SLC9A3: variants seen among roughly 807,000 people sequenced by gnomAD.
SLC9A3 encodes the protein sodium/hydrogen exchanger 3.
Under a neutral mutation model 86.8 loss-of-function variants are expected in SLC9A3, and 37 were observed. The observed-to-expected ratio is 0.43, with a 90% CI of 0.33 to 0.56. SLC9A3 has a LOEUF of 0.56. Among genes scored for constraint, SLC9A3 ranks in the 20% least tolerant of loss-of-function variants. The probability of loss-of-function intolerance (pLI) is 0.06; values close to 1 mark genes in which losing one functional copy is unlikely to be tolerated. For missense variants in SLC9A3, 1,011 were observed against 1,171.9 expected (o/e 0.86, Z 2.00); for synonymous variants, 581 against 528.3 (o/e 1.10, Z -1.37).
At position 482,693 on chromosome 5, in the gene SLC9A3, A is replaced by G. The variant is rs751780244; in HGVS notation, c.1211T>C (p.Ile404Thr). The G allele has an allele frequency of 1.5e-5, 24 of 1,612,212 alleles. No homozygotes were observed. The highest frequency in any genetic ancestry group is 2.7e-5 in the African/African-American group (2 of 74,854). ...CCCGTAGGACAGGACCACCTGGTCA[A>G]TGGGCTCCAGCTGCACCATGCGGTA... ...NRYRMVQLEP[I>T]DQVVLSYGGL... Residue 404 changes from isoleucine to threonine, a missense_variant, in exon 7 of 17, where the codon ATT becomes ACT. Transcript: ENST00000264938.
chr5:488,677 CA>C, intron 2 of SLC9A3, among the ~76,000 whole-genome samples: 1 of 152,252 alleles, frequency 6.6e-6, no homozygotes, highest in Admixed American at 6.5e-5. Context: ...CCGAGGGGGC[CA>C]CCCCATCTGA....
At position 491,874 on chromosome 5, in the gene SLC9A3, A is replaced by C; in HGVS notation, c.409T>G (p.Phe137Val). The part of the protein sequence containing the change: ...AGYFMPNRLF[F>V]GNLGTILLYA... ...AACAGGATGGTCCCCAGGTTGCCGA[A>C]GAAGAGGCGGTTGGGCATGAAGTAG... Residue 137 changes from phenylalanine to valine, a missense_variant, in exon 2 of 17, where the codon TTC becomes GTC. This residue lies in a region of SLC9A3 where 565 missense variants were observed against 790.0 expected (regional missense o/e 0.72). Transcript: ENST00000264938. This position sits in a 1 kb window ranked among gnomAD's most constrained non-coding sequence, Gnocchi z 9.2. 6.2e-7 allele frequency: 1 copy of C among 1,611,184 alleles called. No homozygotes were observed. The highest frequency in any genetic ancestry group is 8.5e-7 in the Non-Finnish European group (1 of 1,179,270).
Position 472,666 on chromosome 5 carries a change from C to T in SLC9A3, c.*713G>A. 2.0e-6 allele frequency: 1 copy of T among 492,562 alleles called. No individual in the cohort carries two copies. Among genetic ancestry groups the T allele is most frequent in the South Asian group, 1.5e-5 (1 of 64,772 alleles). The allele number at this position is 492,562 out of a possible 1,614,324, so 30.5% of individuals were successfully genotyped here. ...AAACGCTGAGCAGACGGAAGACGTT[C>T]CTGCCACTTTACCTGCAGTTCAAAG... On this transcript the variant is annotated 3_prime_UTR_variant, in exon 17 of 17. Transcript: ENST00000264938.
chr5:515,041 C>T (rs1282962743), intron 1 of SLC9A3, among the ~76,000 whole-genome samples: 1 of 152,122 alleles, frequency 6.6e-6, no homozygotes, highest in African/African-American at 2.4e-5. Flanking sequence ...CTCCAGGGAC[C>T]AGGAGCTTGG....
Position 497,814 on chromosome 5 carries a change from GCCCGGCCGCA to G in SLC9A3, c.212-5753_212-5744del. ...CTCTGCCCCTGTCCCGGGTGGGGTC[GCCCGGCCGCA>G]TCCCCAGCCTCTGCCCCTGTCCCGG... On this transcript the variant is annotated intron_variant, in intron 1 of 16. Transcript: ENST00000264938. This position sits in a 1 kb window ranked among gnomAD's most constrained non-coding sequence, Gnocchi z 5.4. 2.8e-5 allele frequency among the ~76,000 whole-genome samples: 1 copy of G among 35,930 alleles called. No individual in the cohort carries two copies. The highest frequency in any genetic ancestry group is 1.0e-4 in the African/African-American group (1 of 9,562). 23.6% of individuals were successfully genotyped at this position (35,930 alleles called of 152,430 possible).
intron 10 of SLC9A3, chr5:479,425 A>G (rs890984): frequency 0.87 from 170,525 of 196,272 alleles, 74,709 homozygotes; most frequent in African/African-American, 0.91. Flanking sequence ...GCCGGCCCAC[A>G]GCGGGAGACG....
intron 1 of SLC9A3, among the ~76,000 whole-genome samples, chr5:493,820 G>A (rs544853222): frequency 1.1e-4 from 16 of 152,286 alleles, no homozygotes; most frequent in African/African-American, 3.1e-4. Flanking sequence ...GCCCCCCGAC[G>A]GCTCCCCCAC....
At chr5:500,182 A>C (rs1468525703) in intron 1 of SLC9A3, among the ~76,000 whole-genome samples, 9 of 152,266 alleles carry the variant, frequency 5.9e-5, no homozygotes, top group Non-Finnish European at 8.8e-5. Context: ...GCCCCATGGC[A>C]CACACTGTGA....
chr5:476,875 AC>A (rs1295037368), intron 11 of SLC9A3, among the ~76,000 whole-genome samples: 19 of 152,272 alleles, frequency 1.2e-4, no homozygotes, highest in African/African-American at 4.6e-4. Context: ...CTGACTCCCC[AC>A]GAGGCCTTCC....
At position 476,262 on chromosome 5, in the gene SLC9A3, C is replaced by T. The variant is rs1478623704; in HGVS notation, c.2007G>A (p.Leu669=). 4 of 1,613,914 alleles carry T rather than the reference C, an allele frequency of 2.5e-6. No homozygotes were observed. In the East Asian group the frequency reaches 8.9e-5, roughly 36 times the overall value. The part of the protein sequence containing the change: ...KRLESFKSTK[L]GLNQNKKAAK... ...CCGCCTTCTTGTTCTGGTTGAGCCC[C>T]AGCTTGGTCGACTTGAAGGACTCCA... is the stretch of plus-strand genomic sequence containing the variant. The change falls in exon 13 of 17, where the codon CTG becomes CTA. Residue 669 remains leucine (L), a synonymous_variant. Coordinates refer to ENST00000264938, the MANE Select transcript of SLC9A3 (RefSeq NM_004174.4).
intron 1 of SLC9A3, among the ~76,000 whole-genome samples, chr5:510,324 G>T (rs1740821357): frequency 6.6e-6 from 1 of 152,210 alleles, no homozygotes; most frequent in Non-Finnish European, 1.5e-5. Flanking sequence ...CTGGTGGAAA[G>T]GCCAGAACCC....
intron 3 of SLC9A3, among the ~76,000 whole-genome samples, 155 bp from the exon 4 acceptor site, chr5:485,386 G>A (rs141867113): frequency 0.015 from 2,256 of 152,360 alleles, 21 homozygotes; most frequent in Non-Finnish European, 0.02. Flanking sequence ...CCCCAAAGGG[G>A]AGAAGCCCAG....
chr5:502,029 C>T (rs906672419), intron 1 of SLC9A3, among the ~76,000 whole-genome samples: 20 of 152,270 alleles, frequency 1.3e-4, no homozygotes, highest in African/African-American at 2.4e-5. Context: ...GACTGGACTC[C>T]CTGCGCTCAA....
rs774509219 is a variant in SLC9A3, at chr5:476,247, G to C, written c.2022C>G (p.Asn674Lys). 3.7e-6 allele frequency: 6 copies of C among 1,613,966 alleles called. No individual in the cohort carries two copies. Among genetic ancestry groups the C allele is most frequent in the Middle Eastern group, 1.6e-4 (1 of 6,062 alleles). The change falls in exon 13 of 17, where the codon AAC (asparagine) becomes AAG (lysine). Residue 674 changes from asparagine to lysine, a missense_variant. Coordinates refer to ENST00000264938, the MANE Select transcript of SLC9A3 (RefSeq NM_004174.4). ...FKSTKLGLNQNKKAAKLYKRE... is the reference protein window; with the variant it reads ...FKSTKLGLNQKKKAAKLYKRE... ...GCTTGTACAGCTTGGCCGCCTTCTT[G>C]TTCTGGTTGAGCCCCAGCTTGGTCG...
At position 484,704 on chromosome 5, in the gene SLC9A3, A is replaced by G; in HGVS notation, c.755-7T>C. The G allele has an allele frequency of 6.2e-7, 1 of 1,612,320 alleles. No homozygotes were observed. Among genetic ancestry groups the G allele is most frequent in the Non-Finnish European group, 8.5e-7 (1 of 1,179,506 alleles). ...CTCACCACGAAGAAGGACACTGGGT[A>G]GAGGACGCCCTTTGTGGCCGTGCCG... On this transcript the variant is annotated splice_region_variant and splice_polypyrimidine_tract_variant and intron_variant, in intron 4 of 16. Transcript: ENST00000264938.
intron 10 of SLC9A3, 46 bp downstream of exon 10, chr5:479,790 A>AGCCTGCTGCAGCCCC (rs1560951998): frequency 1.2e-6 from 2 of 1,605,824 alleles, no homozygotes; most frequent in Non-Finnish European, 1.7e-6. Context: ...AGCCAGTGCC[A>AGCCTGCTGCAGCCCC]GAGCCTGCTG....
intron 1 of SLC9A3, among the ~76,000 whole-genome samples, chr5:513,825 C>G (rs1352235670): frequency 6.6e-6 from 1 of 152,242 alleles, no homozygotes; most frequent in Non-Finnish European, 1.5e-5. Context: ...CACGGCCAGC[C>G]CTTGTGTTGC....
chr5:479,117 A>C (rs1738978778), intron 10 of SLC9A3: 1 of 152,516 alleles, frequency 6.6e-6, no homozygotes, highest in African/African-American at 2.4e-5. Context: ...TGAGGGCACC[A>C]AAGCTCGCTA....
chr5:510,829 C>A (rs542052476), intron 1 of SLC9A3, among the ~76,000 whole-genome samples: 1 of 152,312 alleles, frequency 6.6e-6, no homozygotes, highest in Admixed American at 6.5e-5. Flanking sequence ...CGGGAAGATG[C>A]ACCAGCAGCA....
Sources: allele counts gnomAD v4.1 joint callset (sites outside exome capture counted in the v4.1 genomes callset), GRCh38; gene constraint gnomAD v4.1.1; regional missense constraint gnomAD v4.1.1; non-coding constraint Gnocchi (gnomAD v3.1); transcripts MANE v1.5; gene names NCBI Gene and HGNC (gene_info 2026-07-23, HGNC 2026-07-21).